Variants in CIP2A observed in about 807,000 individuals in gnomAD.
The protein encoded by CIP2A is protein CIP2A.
A neutral mutation model predicts 110.9 loss-of-function variants in CIP2A; 103 were observed. That is an observed-to-expected ratio of 0.93 (90% CI 0.79 to 1.09). CIP2A has a LOEUF of 1.09. Ranked by LOEUF, CIP2A falls within the 50% of genes least tolerant of loss-of-function variation. The pLI, the probability that CIP2A is intolerant of heterozygous loss-of-function variation, is 0.00. For synonymous variants in CIP2A, 381 were observed against 361.6 expected, an observed-to-expected ratio of 1.05 and a Z score of -0.61; for missense variants, 1,088 against 1,038.4, an observed-to-expected ratio of 1.05 and a Z score of -0.66.
At chr3:108,561,641 T>A (rs1358857928) in intron 13 of CIP2A, among the ~76,000 whole-genome samples, 2 of 152,040 alleles carry the variant, frequency 1.3e-5, no homozygotes, top group African/African-American at 2.4e-5. Context: ...TGCACCCCAG[T>A]CTGGGTGATA....
intron 8 of CIP2A, chr3:108,574,470 C>T (rs1938499202): frequency 6.6e-6 from 1 of 152,182 alleles, no homozygotes; most frequent in African/African-American, 2.4e-5. Flanking sequence ...AGTGATTCCA[C>T]TCCTAGATAT....
intron 5 of CIP2A, among the ~76,000 whole-genome samples, chr3:108,580,990 C>G (rs1938854840): frequency 6.6e-6 from 1 of 152,186 alleles, no homozygotes. Flanking sequence ...ATCACAAGTA[C>G]TGTTGGTTCA....
At chr3:108,570,379 G>A (rs1011705696) in intron 8 of CIP2A, among the ~76,000 whole-genome samples, 1 of 152,042 alleles carries the variant, frequency 6.6e-6, no homozygotes, top group Non-Finnish European at 1.5e-5. Flanking sequence ...TATAACAAAT[G>A]ATAATCTTTA....
At chr3:108,588,491 TTAATA>T (rs66898949) in intron 1 of CIP2A, among the ~76,000 whole-genome samples, 53,654 of 151,572 alleles carry the variant, frequency 0.35, 9,983 homozygotes, top group East Asian at 0.53. Flanking sequence ...TATCATAGGG[TTAATA>T]TAATACAATA....
In CIP2A at chr3:108,575,889, T is replaced by TATATATACGTATATATACACATATGC. The variant is rs71103480; in HGVS notation, c.894+381_894+382insGCATATGTGTATATATACGTATATAT. ...ACGTATATATACTCATATACATGTGTATGAGTATATATACATATATACATA... is the reference window on the plus strand; with the variant it reads ...ACGTATATATACTCATATACATGTGTATATATACGTATATATACACATATGCATGAGTATATATACATATATACATA... On this transcript the variant is annotated intron_variant, in intron 8 of 20. Transcript: ENST00000295746. 4.3e-5 allele frequency among the ~76,000 whole-genome samples: 2 copies of TATATATACGTATATATACACATATGC among 46,546 alleles called. 1 individual carries two copies. The highest frequency in any genetic ancestry group is 1.2e-4 in the African/African-American group (2 of 16,128). The allele number at this position is 46,546 out of a possible 152,430, so 30.5% of individuals were successfully genotyped here.
intron 5 of CIP2A, among the ~76,000 whole-genome samples, chr3:108,580,755 A>C (rs899827928): frequency 4.6e-5 from 7 of 152,026 alleles, no homozygotes; most frequent in Non-Finnish European, 1.0e-4. Context: ...CAGCTTCCCA[A>C]GTAGCTGGGA....
At chr3:108,572,870 C>T (rs1411361298) in intron 8 of CIP2A, among the ~76,000 whole-genome samples, 1 of 151,966 alleles carries the variant, frequency 6.6e-6, no homozygotes, top group Non-Finnish European at 1.5e-5. Context: ...TGATAATGAA[C>T]ATTCTTTTCT....
chr3:108,569,168 C>CTCTATATATATATATATA (rs1553694601), intron 9 of CIP2A, among the ~76,000 whole-genome samples: 1 of 11,086 alleles, frequency 9.0e-5, no homozygotes, highest in African/African-American at 2.1e-4. Flanking sequence ...GAAATGAGCA[C>CTCTATATATATATATATA]TATATATATA....
At chr3:108,559,365 C>T (rs191670296) in intron 16 of CIP2A, among the ~76,000 whole-genome samples, 1 of 152,126 alleles carries the variant, frequency 6.6e-6, no homozygotes, top group East Asian at 1.9e-4. Flanking sequence ...GTGGTATTTG[C>T]TGTATATTTA....
At chr3:108,560,534 T>C (rs1302746443) in intron 14 of CIP2A, 115 bp downstream of exon 14, 2 of 639,344 alleles carry the variant, frequency 3.1e-6, no homozygotes, top group South Asian at 6.1e-5. Context: ...TGTTATTTCT[T>C]ATATTAAGGT....
intron 1 of CIP2A, among the ~76,000 whole-genome samples, chr3:108,585,484 G>A (rs192260460): frequency 2.6e-5 from 4 of 151,972 alleles, no homozygotes; most frequent in Non-Finnish European, 4.4e-5. Flanking sequence ...CAGTTCGGTC[G>A]GCCTATTATG....
chr3:108,581,436 A>C lies in CIP2A; in HGVS notation c.528T>G (p.Val176=). ...LANLCRHNLS[V]QTHIKTLSNV... ...TTACCAATGTCTTTATGTGCGTTTG[A>C]ACAGAAAGATTGTGCCGACAAAGAT... is the stretch of plus-strand genomic sequence containing the variant. The change falls in exon 5 of 21, where the codon GTT becomes GTG. Residue 176 remains valine, a synonymous_variant. Coordinates refer to ENST00000295746, the MANE Select transcript of CIP2A (RefSeq NM_020890.3). 1 of 1,611,808 alleles carries C rather than the reference A, an allele frequency of 6.2e-7. No homozygotes were observed. The highest frequency in any genetic ancestry group is 8.5e-7 in the Non-Finnish European group (1 of 1,178,078).
In CIP2A at chr3:108,582,096, T is replaced by C. The variant is rs373132432; in HGVS notation, c.452+12A>G. On this transcript the variant is annotated intron_variant, in intron 4 of 20. Transcript: ENST00000295746. ...ATAAACTATTTGGTTTTATGTTTGA[T>C]TGCATACTCACATGTGATCTATCAG... The C allele has an allele frequency of 1.7e-5, 21 of 1,214,526 alleles. No homozygotes were observed. The highest frequency in any genetic ancestry group is 1.6e-4 in the South Asian group (11 of 68,718). 75.2% of individuals were successfully genotyped at this position (1,214,526 alleles called of 1,614,324 possible). A position where few individuals can be genotyped will look rare whatever the true frequency, so the allele number is the denominator to read the frequency against.
chr3:108,578,892 ACT>A (rs750599445), intron 7 of CIP2A, among the ~76,000 whole-genome samples: 13 of 152,142 alleles, frequency 8.5e-5, no homozygotes, highest in South Asian at 2.1e-4. Context: ...ATGTTTCAAC[ACT>A]GTTTCATTTA....
chr3:108,552,614 G>C (rs570116800), intron 19 of CIP2A, among the ~76,000 whole-genome samples: 5 of 152,230 alleles, frequency 3.3e-5, no homozygotes, highest in African/African-American at 1.2e-4. Flanking sequence ...TTAGAAAAGG[G>C]AGAGCTACAA....
chr3:108,573,762 A>G (rs1311185923), intron 8 of CIP2A, among the ~76,000 whole-genome samples: 1 of 152,188 alleles, frequency 6.6e-6, no homozygotes, highest in Non-Finnish European at 1.5e-5. Context: ...GTTAAGTAAC[A>G]AACTTTGTAC....
Position 108,566,563 on chromosome 3 carries a change from T to A in CIP2A, c.1349A>T (p.Glu450Val). 8.7e-6 allele frequency: 14 copies of A among 1,607,950 alleles called. No homozygotes were observed. The highest frequency in any genetic ancestry group is 1.2e-5 in the Non-Finnish European group (14 of 1,176,690). The change falls in exon 11 of 21, where the codon GAA (glutamate) becomes GTA (valine). Residue 450 changes from glutamate to valine, a missense_variant. Glu to Val is a moderately radical substitution (Grantham distance 121, BLOSUM62 -2). Transcript: ENST00000295746. ...AATCTTGCCATATGTAAATTGTTGT[T>A]CTATAAGAGTGGTACACTTGACAGT... ...LTTVKCTTLI[E>V]QQFTYGKIDL... is the part of the protein sequence containing the mutation.
chr3:108,583,105 C>A (rs762232078), intron 2 of CIP2A, 22 bp from the exon 3 acceptor site: 6 of 1,281,296 alleles, frequency 4.7e-6, no homozygotes, highest in African/African-American at 1.5e-5. Context: ...AATAAAAGCA[C>A]AAAATATATC....
intron 20 of CIP2A, 23 bp downstream of exon 20, chr3:108,552,211 T>C (rs1036261947): frequency 6.5e-7 from 1 of 1,537,604 alleles, no homozygotes; most frequent in Non-Finnish European, 8.7e-7. Flanking sequence ...TTACTGCAAA[T>C]GAGAAATGGA....
Sources: gnomAD v4.1 joint callset for allele counts (sites outside exome capture counted in the v4.1 genomes callset) on GRCh38, gnomAD v4.1.1 for gene constraint, MANE v1.5 for transcripts, NCBI Gene and HGNC (gene_info 2026-07-23, HGNC 2026-07-21) for gene names.